NEGR1: variants seen among roughly 807,000 people sequenced by gnomAD.
The protein encoded by NEGR1 is IgLON family member 4.
A neutral mutation model predicts 40.9 loss-of-function variants in NEGR1; 10 were observed. The observed-to-expected ratio is 0.24, with a 90% CI of 0.15 to 0.42. NEGR1 has a LOEUF of 0.42. NEGR1 is among the 10% of genes least tolerant of loss of function. The pLI is 1.00. For missense variants in NEGR1, 352 were observed against 438.9 expected (o/e 0.80, Z 1.77); for synonymous variants, 185 against 166.8 (o/e 1.11, Z -0.84).
chr1:71,711,341 CAAAAAAAAAAA>C (rs59376519), intron 3 of NEGR1, among the ~76,000 whole-genome samples: 5 of 58,706 alleles, frequency 8.5e-5, no homozygotes, highest in Non-Finnish European at 6.0e-5. Flanking sequence ...GAGATTCCAC[CAAAAAAAAAAA>C]AAAAAAAAAA....
At chr1:72,025,250 AT>A (rs1646796605) in intron 1 of NEGR1, among the ~76,000 whole-genome samples, 1 of 152,176 alleles carries the variant, frequency 6.6e-6, no homozygotes, top group Non-Finnish European at 1.5e-5. Flanking sequence ...CATTTAAAAA[AT>A]AATATTTCCG....
At chr1:71,622,136 C>T (rs946999107) in intron 4 of NEGR1, among the ~76,000 whole-genome samples, 1 of 151,870 alleles carries the variant, frequency 6.6e-6, no homozygotes, top group Non-Finnish European at 1.5e-5. Flanking sequence ...TTTATTGGGC[C>T]ACCAGCTGTA....
chr1:71,792,043 A>C (rs999292411), intron 2 of NEGR1, among the ~76,000 whole-genome samples: 3 of 152,172 alleles, frequency 2.0e-5, no homozygotes, highest in Admixed American at 6.5e-5. Flanking sequence ...AGAATAAATT[A>C]TAGAGGACTT....
intron 1 of NEGR1, among the ~76,000 whole-genome samples, chr1:72,135,245 G>A (rs1202844254): frequency 1.3e-5 from 2 of 149,376 alleles, no homozygotes; most frequent in African/African-American, 2.4e-5. Context: ...GCGTGGTGGC[G>A]GGCTCCTGTA....
At chr1:71,691,113 C>A (rs1366009126) in intron 4 of NEGR1, among the ~76,000 whole-genome samples, 1 of 151,842 alleles carries the variant, frequency 6.6e-6, no homozygotes, top group Non-Finnish European at 1.5e-5. Context: ...GGATATCAGA[C>A]TCATTAAGTA....
At chr1:72,160,179 C>T (rs1445633828) in intron 1 of NEGR1, among the ~76,000 whole-genome samples, 2 of 152,038 alleles carry the variant, frequency 1.3e-5, no homozygotes, top group Non-Finnish European at 2.9e-5. Context: ...GGTTTCATTC[C>T]TTTTTCCAAC....
At chr1:72,105,462 G>C (rs1367578760) in intron 1 of NEGR1, among the ~76,000 whole-genome samples, 3 of 151,910 alleles carry the variant, frequency 2.0e-5, no homozygotes, top group African/African-American at 4.8e-5. Context: ...GCACTTTGGT[G>C]GGGGGCCGAG....
chr1:71,407,824 T>C (rs1646287953), intron 6 of NEGR1: 1 of 399,086 alleles, frequency 2.5e-6, no homozygotes, highest in African/African-American at 2.0e-5. Context: ...TGGTGAGAAT[T>C]GGAGATGAAG....
At chr1:72,121,798 T>C (rs1649815387) in intron 1 of NEGR1, among the ~76,000 whole-genome samples, 2 of 152,190 alleles carry the variant, frequency 1.3e-5, no homozygotes, top group South Asian at 4.1e-4. Flanking sequence ...GTGCAAACAT[T>C]TGTTGTAACT....
chr1:71,470,525 A>G (rs768618541), intron 6 of NEGR1, among the ~76,000 whole-genome samples: 41 of 152,158 alleles, frequency 2.7e-4, no homozygotes, highest in Non-Finnish European at 5.4e-4. Flanking sequence ...ACTTAAGGAT[A>G]TATCTCTTCA....
chr1:72,147,828 G>A (rs994491131), intron 1 of NEGR1, among the ~76,000 whole-genome samples: 2 of 152,106 alleles, frequency 1.3e-5, no homozygotes, highest in African/African-American at 4.8e-5. Context: ...ATCCAGCGGG[G>A]CAGTCAAATT....
intron 1 of NEGR1, among the ~76,000 whole-genome samples, chr1:72,021,265 T>G (rs1646753756): frequency 6.6e-6 from 1 of 152,218 alleles, no homozygotes; most frequent in African/African-American, 2.4e-5. Context: ...CTATCAAAGT[T>G]TGAAGAATTT....
intron 6 of NEGR1, among the ~76,000 whole-genome samples, chr1:71,466,844 G>C (rs143650150): frequency 3.5e-4 from 53 of 152,222 alleles, no homozygotes; most frequent in African/African-American, 1.2e-3. Flanking sequence ...TGTTGATCTT[G>C]TTTAATAAAA....
intron 6 of NEGR1, among the ~76,000 whole-genome samples, chr1:71,534,779 G>A (rs1317001708): frequency 6.6e-6 from 1 of 151,540 alleles, no homozygotes; most frequent in African/African-American, 2.4e-5. Flanking sequence ...AATCATAGGA[G>A]CTAATAAAAC....
chr1:71,898,651 A>C (rs1031775054), intron 2 of NEGR1, among the ~76,000 whole-genome samples: 3 of 139,282 alleles, frequency 2.2e-5, no homozygotes, highest in African/African-American at 7.4e-5. Flanking sequence ...ATAAACAAAA[A>C]AACTGCTTTG....
At chr1:71,900,813 T>G (rs533857350) in intron 2 of NEGR1, among the ~76,000 whole-genome samples, 1 of 152,266 alleles carries the variant, frequency 6.6e-6, no homozygotes, top group Admixed American at 6.5e-5. Flanking sequence ...TAATATTAAT[T>G]TGATTGTACT....
intron 2 of NEGR1, among the ~76,000 whole-genome samples, chr1:71,931,931 T>A (rs1645859066): frequency 6.6e-6 from 1 of 152,110 alleles, no homozygotes; most frequent in South Asian, 2.1e-4. Flanking sequence ...ATCACATAGT[T>A]CAAAACAGTG....
intron 1 of NEGR1, among the ~76,000 whole-genome samples, chr1:71,982,762 G>A (rs912250688): frequency 6.6e-6 from 1 of 152,114 alleles, no homozygotes; most frequent in African/African-American, 2.4e-5. Flanking sequence ...TTTAATTAGA[G>A]AGTGCCTGCC....
chr1:72,236,633 A>C (rs1654557502), intron 1 of NEGR1, among the ~76,000 whole-genome samples: 1 of 151,890 alleles, frequency 6.6e-6, no homozygotes, highest in Non-Finnish European at 1.5e-5. Flanking sequence ...TTCTTATTGT[A>C]AAGGTACTTT....
Sources: gnomAD v4.1 joint callset for allele counts (sites outside exome capture counted in the v4.1 genomes callset) on GRCh38, gnomAD v4.1.1 for gene constraint, MANE v1.5 for transcripts, NCBI Gene and HGNC (gene_info 2026-07-23, HGNC 2026-07-21) for gene names.